Variants in MAN2A1 observed in about 807,000 individuals in gnomAD.
MAN2A1 encodes the protein mannosidase alpha class 2A member 1, also known as alpha-mannosidase 2.
Under a neutral mutation model 142.6 loss-of-function variants are expected in MAN2A1, and 76 were observed. That is an observed-to-expected ratio of 0.53 (90% CI 0.44 to 0.65). The LOEUF is 0.65. Among genes scored for constraint, MAN2A1 ranks in the 30% least tolerant of loss-of-function variants. The probability of loss-of-function intolerance (pLI) is 0.00; values close to 1 mark genes in which losing one functional copy is unlikely to be tolerated. For missense variants in MAN2A1, 1,311 were observed against 1,365.1 expected, an observed-to-expected ratio of 0.96 and a Z score of 0.62; for synonymous variants, 559 against 473.2, an observed-to-expected ratio of 1.18 and a Z score of -2.35.
chr5:109,778,954 A>G (rs1158335867), intron 8 of MAN2A1, among the ~76,000 whole-genome samples: 1 of 152,072 alleles, frequency 6.6e-6, no homozygotes, highest in Non-Finnish European at 1.5e-5. Context: ...AATTTTTGTA[A>G]TTTTTCTTAT....
At chr5:109,706,936 A>G (rs924265932) in intron 1 of MAN2A1, among the ~76,000 whole-genome samples, 1 of 152,218 alleles carries the variant, frequency 6.6e-6, no homozygotes. Flanking sequence ...TATCACTACC[A>G]TGATAGGAAA....
chr5:109,839,934 CTTTT>C (rs766999792), intron 16 of MAN2A1, among the ~76,000 whole-genome samples: 1 of 140,196 alleles, frequency 7.1e-6, no homozygotes. Context: ...CATTTACATT[CTTTT>C]TTTTTTTTTT....
chr5:109,804,517 T>G (rs1226439695), intron 12 of MAN2A1, among the ~76,000 whole-genome samples: 1 of 152,152 alleles, frequency 6.6e-6, no homozygotes, highest in Non-Finnish European at 1.5e-5. Context: ...CTTTTATCCC[T>G]TGTGACATTG....
intron 12 of MAN2A1, among the ~76,000 whole-genome samples, chr5:109,811,266 T>G (rs1340542098): frequency 6.6e-6 from 1 of 152,146 alleles, no homozygotes; most frequent in Non-Finnish European, 1.5e-5. Flanking sequence ...TAAGGATGTA[T>G]GTATATTATA....
intron 3 of MAN2A1, among the ~76,000 whole-genome samples, chr5:109,723,152 A>G (rs1358069991): frequency 6.6e-6 from 1 of 152,214 alleles, no homozygotes; most frequent in East Asian, 1.9e-4. Flanking sequence ...CTGCTGTCCT[A>G]ACAATAATGC....
intron 4 of MAN2A1, among the ~76,000 whole-genome samples, chr5:109,732,204 G>C (rs1279699852): frequency 6.7e-6 from 1 of 149,804 alleles, no homozygotes; most frequent in Non-Finnish European, 1.5e-5. Context: ...CTTTTTGATG[G>C]GGTTGTTTGT....
At chr5:109,699,143 GC>G (rs1350965327) in intron 1 of MAN2A1, among the ~76,000 whole-genome samples, 1 of 151,934 alleles carries the variant, frequency 6.6e-6, no homozygotes, top group Non-Finnish European at 1.5e-5. Flanking sequence ...TCAACTTTAG[GC>G]CTAAAGTGAC....
rs1406901896 is a variant in MAN2A1 at position 109,755,301 on chromosome 5, A to G, written c.708-28A>G. Reference sequence around the variant, plus strand: ...TTTGAACTTTTCTTAACATTTATTAATGTAGACTCTTGTTATTTTCTCTCT... The same window carrying G: ...TTTGAACTTTTCTTAACATTTATTAGTGTAGACTCTTGTTATTTTCTCTCT... On this transcript the variant is annotated intron_variant, in intron 4 of 21. Coordinates refer to ENST00000261483, the MANE Select transcript of MAN2A1 (RefSeq NM_002372.4). The G allele has an allele frequency of 3.8e-6, 6 of 1,566,324 alleles. No homozygotes were observed. The Admixed American group carries it at 8.6e-5, about 22-fold the overall frequency.
intron 1 of MAN2A1, among the ~76,000 whole-genome samples, chr5:109,696,188 C>A (rs1750806896): frequency 6.6e-6 from 1 of 151,974 alleles, no homozygotes; most frequent in African/African-American, 2.4e-5. Context: ...GCAATCTCCA[C>A]CTCCCGGGTT....
intron 1 of MAN2A1, among the ~76,000 whole-genome samples, chr5:109,700,607 G>A (rs1750951861): frequency 6.6e-6 from 1 of 152,166 alleles, no homozygotes; most frequent in African/African-American, 2.4e-5. Flanking sequence ...ATCCAGTGAA[G>A]CAGTCATTCT....
intron 12 of MAN2A1, among the ~76,000 whole-genome samples, chr5:109,807,582 C>T (rs1301626023): frequency 6.6e-6 from 1 of 152,114 alleles, no homozygotes; most frequent in Non-Finnish European, 1.5e-5. Flanking sequence ...ATATCCCATC[C>T]ACTTGGTTCT....
chr5:109,772,572 C>T (rs1486346083), intron 7 of MAN2A1, among the ~76,000 whole-genome samples: 1 of 152,110 alleles, frequency 6.6e-6, no homozygotes, highest in Non-Finnish European at 1.5e-5. Flanking sequence ...TACAATGACA[C>T]AATAGCTCAC....
Position 109,820,281 on chromosome 5 carries a change from G to C in MAN2A1, c.2390G>C (p.Gly797Ala). The C allele has an allele frequency of 6.2e-7, 1 of 1,612,266 alleles. No homozygotes were observed. The highest frequency in any genetic ancestry group is 8.5e-7 in the Non-Finnish European group (1 of 1,178,610). Residue 797 changes from glycine (G) to alanine (A), a missense_variant, in exon 15 of 22, where the codon GGA (glycine) becomes GCA (alanine). This residue lies in a region of MAN2A1 where 890 missense variants were observed against 920.5 expected (regional missense o/e 0.97). Transcript: ENST00000261483. ...HEVNVQFSWY[G>A]TTIKRDKSGA... ...GTAAATGTGCAATTTTCATGGTATGGAACCACAATTAAAAGAGACAAAAGT... is the reference window on the plus strand; with the variant it reads ...GTAAATGTGCAATTTTCATGGTATGCAACCACAATTAAAAGAGACAAAAGT...
At chr5:109,736,839 G>C (rs958403144) in intron 4 of MAN2A1, among the ~76,000 whole-genome samples, 1 of 152,042 alleles carries the variant, frequency 6.6e-6, no homozygotes, top group Non-Finnish European at 1.5e-5. Flanking sequence ...AATGCTAAAT[G>C]AGCCAGTCCA....
At chr5:109,795,441 C>T (rs1753834562) in intron 12 of MAN2A1, among the ~76,000 whole-genome samples, 1 of 152,074 alleles carries the variant, frequency 6.6e-6, no homozygotes, top group African/African-American at 2.4e-5. Context: ...TGACTAGAGA[C>T]CATGAGACTG....
chr5:109,827,283 T>A (rs922859758), intron 16 of MAN2A1, among the ~76,000 whole-genome samples: 19 of 152,254 alleles, frequency 1.2e-4, no homozygotes, highest in African/African-American at 4.3e-4. Context: ...AATGAGTTAG[T>A]ATTAAAGATT....
chr5:109,736,783 A>G (rs2416219), intron 4 of MAN2A1, among the ~76,000 whole-genome samples: 7 of 151,844 alleles, frequency 4.6e-5, no homozygotes, highest in African/African-American at 1.7e-4. Flanking sequence ...TTTACTCTTG[A>G]CCTATCTGCT....
At chr5:109,779,739 T>TCCAATGGTAG (rs1252245576) in intron 8 of MAN2A1, among the ~76,000 whole-genome samples, 1 of 152,208 alleles carries the variant, frequency 6.6e-6, no homozygotes, top group African/African-American at 2.4e-5. Flanking sequence ...GTCCTATGAT[T>TCCAATGGTAG]GTTCCCATTG....
At chr5:109,864,379 T>C (rs1288595318) in intron 20 of MAN2A1, 1 of 152,230 alleles carries the variant, frequency 6.6e-6, no homozygotes, top group Non-Finnish European at 1.5e-5. Context: ...ACTGACCCTC[T>C]TAGCTGACTT....
Sources: gnomAD v4.1 joint callset for allele counts (sites outside exome capture counted in the v4.1 genomes callset) on GRCh38, gnomAD v4.1.1 for gene constraint, gnomAD v4.1.1 regional missense constraint, MANE v1.5 for transcripts, NCBI Gene and HGNC (gene_info 2026-07-23, HGNC 2026-07-21) for gene names.